Variants in ROCK2 observed in about 807,000 individuals in gnomAD.
The protein encoded by ROCK2 is Rho associated coiled-coil containing protein kinase 2.
A neutral mutation model predicts 195.1 loss-of-function variants in ROCK2; 61 were observed. The observed-to-expected ratio is 0.31, with a 90% CI of 0.25 to 0.39. The LOEUF (loss-of-function observed/expected upper bound fraction) is 0.39. Among genes scored for constraint, ROCK2 ranks in the 10% least tolerant of loss-of-function variants. ROCK2 has a pLI of 1.00. For missense variants in ROCK2, 1,109 were observed against 1,637.4 expected (o/e 0.68, Z 5.57); for synonymous variants, 504 against 545.5 (o/e 0.92, Z 1.06).
At chr2:11,228,421 A>C (rs1664886418) in intron 5 of ROCK2, among the ~76,000 whole-genome samples, 1 of 152,172 alleles carries the variant, frequency 6.6e-6, no homozygotes, top group Admixed American at 6.5e-5. Flanking sequence ...CAATGGCTTT[A>C]TTTTCCCACA....
chr2:11,269,254 G>A (rs1666537741), intron 3 of ROCK2, among the ~76,000 whole-genome samples: 2 of 152,166 alleles, frequency 1.3e-5, no homozygotes, highest in East Asian at 1.9e-4. Context: ...GCTCATGCCT[G>A]TAATATCAGC....
intron 1 of ROCK2, among the ~76,000 whole-genome samples, chr2:11,294,999 G>C (rs9630966): frequency 6.6e-6 from 1 of 151,966 alleles, no homozygotes; most frequent in African/African-American, 2.4e-5. Context: ...ATGTTGCCCA[G>C]GTTGGTCTCG....
intron 1 of ROCK2, among the ~76,000 whole-genome samples, chr2:11,290,974 A>G (rs1191015816): frequency 6.6e-6 from 1 of 152,182 alleles, no homozygotes; most frequent in Non-Finnish European, 1.5e-5. Flanking sequence ...GAGAAACGTG[A>G]ATTAGCTCCA....
chr2:11,289,039 ATAT>A (rs1245666790), intron 1 of ROCK2, among the ~76,000 whole-genome samples: 1 of 152,222 alleles, frequency 6.6e-6, no homozygotes. Flanking sequence ...CTTTGTGAAA[ATAT>A]TATTTAATAA....
chr2:11,257,233 A>C (rs568630050), intron 3 of ROCK2, among the ~76,000 whole-genome samples: 372 of 150,682 alleles, frequency 2.5e-3, no homozygotes, highest in Non-Finnish European at 4.4e-3. Flanking sequence ...AGCGATCAAA[A>C]GGCCGAACGC....
chr2:11,252,170 G>A (rs1665853027), intron 3 of ROCK2, among the ~76,000 whole-genome samples: 1 of 152,124 alleles, frequency 6.6e-6, no homozygotes, highest in Non-Finnish European at 1.5e-5. Context: ...CAGCACTTTG[G>A]GAGGCTGAGG....
In ROCK2 at chr2:11,196,618, T is replaced by C. The variant is rs985239289; in HGVS notation, c.3448+562A>G. On this transcript the variant is annotated intron_variant, in intron 27 of 32. Transcript: ENST00000315872. Reference sequence around the variant, plus strand: ...TTATTAGTTAATGTTACATAAAAAATCTTCAAAAGGACTAAAATTAAGGGT... The same window carrying C: ...TTATTAGTTAATGTTACATAAAAAACCTTCAAAAGGACTAAAATTAAGGGT... 3.3e-5 allele frequency among the ~76,000 whole-genome samples: 5 copies of C among 152,262 alleles called. No homozygotes were observed. The East Asian group carries it at 9.6e-4, about 29-fold the overall frequency.
chr2:11,198,669 G>T lies in ROCK2; in HGVS notation c.3004+12C>A. ...GGTATATTAAAAATAAACATTTTTT[G>T]TTAATACATACGCTCTTGAACATCT... is the stretch of plus-strand genomic sequence containing the variant. On this transcript the variant is annotated intron_variant, in intron 24 of 32. Coordinates refer to ENST00000315872, the MANE Select transcript of ROCK2 (RefSeq NM_004850.5). The T allele has an allele frequency of 6.3e-7, 1 of 1,581,942 alleles. No individual in the cohort carries two copies. Among genetic ancestry groups the T allele is most frequent in the Non-Finnish European group, 8.6e-7 (1 of 1,158,000 alleles).
chr2:11,279,254 A>G (rs1394908769), intron 3 of ROCK2, among the ~76,000 whole-genome samples: 1 of 152,210 alleles, frequency 6.6e-6, no homozygotes, highest in African/African-American at 2.4e-5. Context: ...TGAATCAAGA[A>G]AAAAGACCCA....
chr2:11,266,472 T>C (rs1052566090), intron 3 of ROCK2, among the ~76,000 whole-genome samples: 1 of 152,256 alleles, frequency 6.6e-6, no homozygotes, highest in South Asian at 2.1e-4. Context: ...CAATACCTAC[T>C]GTGACATACT....
chr2:11,196,809 G>A (rs1400708483), intron 27 of ROCK2, among the ~76,000 whole-genome samples: 1 of 152,108 alleles, frequency 6.6e-6, no homozygotes, highest in Non-Finnish European at 1.5e-5. Flanking sequence ...AGAAGTAGAG[G>A]AACGCTGGTA....
In ROCK2 at chr2:11,201,644, A is replaced by G. The variant is rs1018334549; in HGVS notation, c.2620-231T>C. ...ATTTTCAACTGGATATCACAGTGAT[A>G]TTTCTCATTTAATAGCACAGATAGG... is the stretch of plus-strand genomic sequence containing the variant. On this transcript the variant is annotated intron_variant, in intron 21 of 32. Transcript: ENST00000315872. The surrounding 1 kb of genome is among the most constrained non-coding windows in gnomAD (Gnocchi z 4.6). Among the ~76,000 whole-genome samples, 1 of 152,222 alleles carries G rather than the reference A, an allele frequency of 6.6e-6. No homozygotes were observed. Among genetic ancestry groups the G allele is most frequent in the Non-Finnish European group, 1.5e-5 (1 of 68,038 alleles).
chr2:11,216,989 T>G (rs1026383000), intron 12 of ROCK2, 101 bp downstream of exon 12: 1 of 590,972 alleles, frequency 1.7e-6, no homozygotes. Context: ...CCCAAAGTGC[T>G]GGGATTACAG....
chr2:11,303,531 T>C (rs1171642467), intron 1 of ROCK2, among the ~76,000 whole-genome samples: 4 of 152,294 alleles, frequency 2.6e-5, no homozygotes. Flanking sequence ...AATTCTCCCA[T>C]GATCTCTTCA....
At chr2:11,282,490 A>C (rs1470525313) in intron 3 of ROCK2, among the ~76,000 whole-genome samples, 1 of 152,178 alleles carries the variant, frequency 6.6e-6, no homozygotes, top group Non-Finnish European at 1.5e-5. Context: ...TCAATGAAAC[A>C]GAATAGAGAG....
chr2:11,189,573 A>G (rs1283069530), intron 32 of ROCK2, among the ~76,000 whole-genome samples: 1 of 152,254 alleles, frequency 6.6e-6, no homozygotes, highest in Non-Finnish European at 1.5e-5. Context: ...AGAACAAAAT[A>G]TCCTCAGTTC....
chr2:11,289,208 C>G (rs538351603), intron 1 of ROCK2, among the ~76,000 whole-genome samples: 4 of 152,134 alleles, frequency 2.6e-5, no homozygotes, highest in South Asian at 4.1e-4. Context: ...TCCAGGTAAG[C>G]TGGGATTGTT....
chr2:11,215,570 C>T lies in ROCK2; in HGVS notation c.1537G>A (p.Ala513Thr), dbSNP rs1356629612. Reference protein sequence around the residue: ...REKALLQHKNAEYQRKADHEA... With the variant: ...REKALLQHKNTEYQRKADHEA... Reference sequence around the variant, plus strand: ...TGATCAGCTTTCCTCTGATATTCTGCATTTTTGTGCTGAAGAAGCGCCTTT... The same window carrying T: ...TGATCAGCTTTCCTCTGATATTCTGTATTTTTGTGCTGAAGAAGCGCCTTT... The change falls in exon 14 of 33, where the codon GCA (alanine) becomes ACA (threonine). Residue 513 changes from alanine to threonine, a missense_variant. Transcript: ENST00000315872. 6.2e-6 allele frequency: 10 copies of T among 1,613,558 alleles called. No homozygotes were observed. The East Asian group carries it at 2.2e-4, about 36-fold the overall frequency.
chr2:11,275,172 G>A (rs1045215380), intron 3 of ROCK2, among the ~76,000 whole-genome samples: 4 of 151,640 alleles, frequency 2.6e-5, no homozygotes, highest in South Asian at 2.1e-4. Context: ...CAGGAGAATC[G>A]CTTGAACCCG....
Sources: allele counts gnomAD v4.1 joint callset (sites outside exome capture counted in the v4.1 genomes callset), GRCh38; gene constraint gnomAD v4.1.1; non-coding constraint Gnocchi (gnomAD v3.1); transcripts MANE v1.5; gene names NCBI Gene and HGNC (gene_info 2026-07-23, HGNC 2026-07-21).